Variants in BACH2 observed in about 807,000 individuals in gnomAD.
BACH2 encodes BACH transcriptional regulator 2.
In BACH2, 5 loss-of-function variants were observed where a neutral mutation model predicts 61.8. The observed-to-expected ratio is 0.08, with a 90% CI of 0.04 to 0.17. BACH2 has a LOEUF of 0.17. Among genes scored for constraint, BACH2 ranks in the 10% least tolerant of loss-of-function variants. The probability of loss-of-function intolerance (pLI) is 1.00; values close to 1 mark genes in which losing one functional copy is unlikely to be tolerated. For synonymous variants in BACH2, 446 were observed against 440.1 expected (o/e 1.01, Z -0.17); for missense variants, 824 against 1,091.1 (o/e 0.76, Z 3.45).
At chr6:90,165,486 G>A (rs1767577976) in intron 4 of BACH2, among the ~76,000 whole-genome samples, 1 of 152,056 alleles carries the variant, frequency 6.6e-6, no homozygotes, top group Admixed American at 6.5e-5. Context: ...TACTGCCCAA[G>A]GTAATTTATA....
At chr6:90,237,214 C>T (rs1458088709) in intron 3 of BACH2, among the ~76,000 whole-genome samples, 1 of 152,192 alleles carries the variant, frequency 6.6e-6, no homozygotes, top group Non-Finnish European at 1.5e-5. Context: ...TGAGCCACTG[C>T]GCCCAGCCCA....
rs367713504 is a variant in BACH2 at position 89,951,284 on chromosome 6, C to T, written c.822G>A (p.Gln274=). The T allele has an allele frequency of 5.0e-6, 8 of 1,614,236 alleles. No homozygotes were observed. Among genetic ancestry groups the T allele is most frequent in the Non-Finnish European group, 6.8e-6 (8 of 1,180,048 alleles). Residue 274 remains glutamine, a synonymous_variant, in exon 7 of 9, where the codon CAG becomes CAA. Transcript: ENST00000257749. The surrounding 1 kb of genome is among the most constrained non-coding windows in gnomAD (Gnocchi z 6.4). The part of the protein sequence containing the change: ...NSLKPGLARG[Q]IKSEPPSEEN... ...CTTCACTGGGCGGCTCACTTTTAAT[C>T]TGCCCCCTGGCAAGCCCCGGCTTGA...
At chr6:90,162,938 T>C (rs1487574301) in intron 4 of BACH2, among the ~76,000 whole-genome samples, 1 of 152,180 alleles carries the variant, frequency 6.6e-6, no homozygotes, top group Non-Finnish European at 1.5e-5. Context: ...TGTAGTTGGT[T>C]TTTTAAAGAT....
At chr6:90,284,658 C>T (rs1033533734) in intron 1 of BACH2, among the ~76,000 whole-genome samples, 1 of 151,808 alleles carries the variant, frequency 6.6e-6, no homozygotes, top group Non-Finnish European at 1.5e-5. Flanking sequence ...AAACTAAAAA[C>T]AGTAAGATGA....
intron 1 of BACH2, among the ~76,000 whole-genome samples, chr6:90,295,510 G>C (rs963834020): frequency 6.6e-6 from 1 of 152,104 alleles, no homozygotes; most frequent in African/African-American, 2.4e-5. Context: ...CGTCTCCAGC[G>C]GCGCCGGGCT....
chr6:89,960,327 A>G (rs762114245), intron 6 of BACH2, among the ~76,000 whole-genome samples: 2 of 152,246 alleles, frequency 1.3e-5, no homozygotes, highest in African/African-American at 2.4e-5. Flanking sequence ...CCAAAGTCAC[A>G]GGGCTGCCTG....
intron 3 of BACH2, among the ~76,000 whole-genome samples, chr6:90,242,730 A>C (rs1473352043): frequency 2.0e-5 from 3 of 152,072 alleles, no homozygotes; most frequent in African/African-American, 7.2e-5. Context: ...AGTGTAACTT[A>C]ATATCTACAC....
At chr6:90,255,907 C>CA (rs999912204) in intron 2 of BACH2, among the ~76,000 whole-genome samples, 50 of 152,334 alleles carry the variant, frequency 3.3e-4, no homozygotes, top group African/African-American at 1.1e-3. Context: ...CAGCAACACA[C>CA]AGAGTGACAT....
chr6:89,954,783 C>T (rs1774334916), intron 6 of BACH2, among the ~76,000 whole-genome samples: 2 of 152,082 alleles, frequency 1.3e-5, no homozygotes, highest in Non-Finnish European at 2.9e-5. Context: ...CAATGGCACT[C>T]CTTAGATCAC....
At chr6:90,024,613 G>C (rs2127785930) in intron 5 of BACH2, among the ~76,000 whole-genome samples, 1 of 152,250 alleles carries the variant, frequency 6.6e-6, no homozygotes, top group South Asian at 2.1e-4. Flanking sequence ...AGGAACTTTA[G>C]GAAAATCCTG....
intron 4 of BACH2, among the ~76,000 whole-genome samples, chr6:90,155,083 T>C (rs899127740): frequency 3.3e-5 from 5 of 152,200 alleles, no homozygotes; most frequent in African/African-American, 1.2e-4. Flanking sequence ...GTAATTTATA[T>C]GGATATAATA....
chr6:90,218,876 G>C (rs1769637047), intron 3 of BACH2, among the ~76,000 whole-genome samples: 2 of 151,822 alleles, frequency 1.3e-5, no homozygotes, highest in Admixed American at 6.6e-5. Context: ...AAATCCACTG[G>C]AGTTGGGGGA....
intron 6 of BACH2, among the ~76,000 whole-genome samples, chr6:89,994,743 C>T (rs1397768612): frequency 3.9e-5 from 6 of 152,168 alleles, no homozygotes; most frequent in Admixed American, 2.0e-4. Context: ...ATCTTCCTTC[C>T]CTTTCATCCA....
intron 4 of BACH2, among the ~76,000 whole-genome samples, chr6:90,181,356 T>C (rs898780105): frequency 5.3e-5 from 8 of 151,754 alleles, no homozygotes; most frequent in Non-Finnish European, 7.4e-5. Context: ...TGTGTGTAAT[T>C]GTACATTTAC....
chr6:90,109,931 A>T (rs868035603), intron 4 of BACH2, among the ~76,000 whole-genome samples: 47 of 152,208 alleles, frequency 3.1e-4, no homozygotes, highest in African/African-American at 1.1e-3. Context: ...ACAAAACTTT[A>T]AAAAAATAGA....
chr6:90,225,496 G>A (rs188649982), intron 3 of BACH2, among the ~76,000 whole-genome samples: 2 of 152,164 alleles, frequency 1.3e-5, no homozygotes, highest in African/African-American at 4.8e-5. Flanking sequence ...CAGGTGACAG[G>A]TGCACTGAAA....
rs138881451 is a variant in BACH2, at chr6:90,008,650, C to A, written c.195G>T (p.Ala65=). The change falls in exon 6 of 9, where the codon GCG becomes GCT. Residue 65 remains alanine (A), a synonymous_variant. Transcript: ENST00000257749. This position sits in a 1 kb window ranked among gnomAD's most constrained non-coding sequence, Gnocchi z 4.1. ...LAACSEYFWQ[A]LVGQTKNDLV... Reference sequence around the variant, plus strand: ...AATCATTTTTTGTCTGTCCAACCAGCGCCTGCCAAAAATATTCACTGCATG... The same window carrying A: ...AATCATTTTTTGTCTGTCCAACCAGAGCCTGCCAAAAATATTCACTGCATG... 105 of 1,614,072 alleles carry A rather than the reference C, an allele frequency of 6.5e-5. No homozygotes were observed. In the African/African-American group the frequency reaches 1.1e-3, roughly 17 times the overall value.
chr6:90,135,727 C>T (rs988268487), intron 4 of BACH2, among the ~76,000 whole-genome samples: 5 of 152,152 alleles, frequency 3.3e-5, no homozygotes, highest in African/African-American at 1.2e-4. Context: ...AGAGCAGACC[C>T]TACTATGATC....
chr6:90,018,736 T>A (rs1778208992), intron 5 of BACH2, among the ~76,000 whole-genome samples: 1 of 152,208 alleles, frequency 6.6e-6, no homozygotes, highest in Non-Finnish European at 1.5e-5. Flanking sequence ...AATTATTAGT[T>A]CTTTGGTATT....
Sources: allele counts gnomAD v4.1 joint callset (sites outside exome capture counted in the v4.1 genomes callset), GRCh38; gene constraint gnomAD v4.1.1; non-coding constraint Gnocchi (gnomAD v3.1); transcripts MANE v1.5; gene names NCBI Gene and HGNC (gene_info 2026-07-23, HGNC 2026-07-21).